Variants in RUNX1 observed in about 807,000 individuals in gnomAD.
The protein encoded by RUNX1 is runt-related transcription factor 1.
In RUNX1, 19 loss-of-function variants were observed where a neutral mutation model predicts 42.8. That is an observed-to-expected ratio of 0.44 (90% CI 0.31 to 0.65). The LOEUF (loss-of-function observed/expected upper bound fraction) is 0.65, where lower values mean the gene tolerates loss of function less well. RUNX1 is among the 30% of genes least tolerant of loss of function. RUNX1 has a pLI of 0.07. For synonymous variants in RUNX1, 271 were observed against 289.4 expected (o/e 0.94, Z 0.64); for missense variants, 528 against 672.0 (o/e 0.79, Z 2.37).
chr21:34,805,479 GA>G (rs2145930806), intron 7 of RUNX1, among the ~76,000 whole-genome samples: 1 of 152,198 alleles, frequency 6.6e-6, no homozygotes, highest in Non-Finnish European at 1.5e-5. Flanking sequence ...TAGAGAGGGG[GA>G]AAAGCCAACA....
At chr21:34,913,808 C>G (rs192388550) in intron 2 of RUNX1, among the ~76,000 whole-genome samples, 69 of 152,198 alleles carry the variant, frequency 4.5e-4, no homozygotes, top group African/African-American at 1.6e-3. Flanking sequence ...TTGATTGAAC[C>G]GAGGGCTGTA....
intron 2 of RUNX1, among the ~76,000 whole-genome samples, chr21:35,035,948 G>A (rs2059304404): frequency 6.6e-6 from 1 of 152,198 alleles, no homozygotes; most frequent in Non-Finnish European, 1.5e-5. Context: ...CCTAAACTGA[G>A]AGGGTTAAGG....
intron 2 of RUNX1, among the ~76,000 whole-genome samples, chr21:35,023,692 C>T (rs1002454784): frequency 6.6e-6 from 1 of 152,144 alleles, no homozygotes; most frequent in South Asian, 2.1e-4. Flanking sequence ...TGGATAAAGA[C>T]AGGACTGGAG....
At chr21:35,020,947 G>A (rs546871510) in intron 2 of RUNX1, among the ~76,000 whole-genome samples, 32 of 152,226 alleles carry the variant, frequency 2.1e-4, no homozygotes, top group African/African-American at 7.7e-4. Context: ...AAAGAATCTG[G>A]GGCTTCCCAT....
chr21:34,803,493 G>A (rs76772563), intron 7 of RUNX1, among the ~76,000 whole-genome samples: 1 of 151,922 alleles, frequency 6.6e-6, no homozygotes, highest in African/African-American at 2.4e-5. Context: ...CTTGCAGTGA[G>A]CCAAGATCGT....
At position 34,789,367 on chromosome 21, in the gene RUNX1, TAGTG is replaced by T. The variant is rs956679701; in HGVS notation, c.*2764_*2767del. On this transcript the variant is annotated 3_prime_UTR_variant, in exon 9 of 9. Coordinates refer to ENST00000675419, the MANE Select transcript of RUNX1 (RefSeq NM_001754.5). Reference sequence around the variant, plus strand: ...AGAGGGAGGGAAATGTATTTTCAGATAGTGAGAAAAAGAAAGAACTGAAATATGT... The same window carrying T: ...AGAGGGAGGGAAATGTATTTTCAGATAGAAAAAGAAAGAACTGAAATATGT... 2.6e-5 allele frequency: 6 copies of T among 233,454 alleles called. No homozygotes were observed. Among genetic ancestry groups the T allele is most frequent in the African/African-American group, 1.1e-4 (5 of 45,228 alleles). The allele number at this position is 233,454 out of a possible 1,614,324, so 14.5% of individuals were successfully genotyped here.
intron 3 of RUNX1, among the ~76,000 whole-genome samples, chr21:34,889,287 C>G (rs868444735): frequency 8.5e-5 from 13 of 152,148 alleles, no homozygotes; most frequent in Non-Finnish European, 2.9e-5. Context: ...CGGCTGGCAG[C>G]TGCGGCGAAG....
At chr21:34,801,522 T>C (rs1045069184) in intron 7 of RUNX1, among the ~76,000 whole-genome samples, 1 of 152,260 alleles carries the variant, frequency 6.6e-6, no homozygotes, top group Non-Finnish European at 1.5e-5. Flanking sequence ...TGAGTTTTTT[T>C]GTTTTTTAAA....
intron 2 of RUNX1, among the ~76,000 whole-genome samples, chr21:34,972,518 C>A (rs1390791286): frequency 6.6e-6 from 1 of 152,124 alleles, no homozygotes; most frequent in Admixed American, 6.5e-5. Context: ...TGGATAAATG[C>A]AATTTTTGCT....
intron 2 of RUNX1, among the ~76,000 whole-genome samples, chr21:35,030,159 C>T (rs555465634): frequency 5.3e-5 from 8 of 152,052 alleles, no homozygotes; most frequent in East Asian, 3.9e-4. Context: ...CTGGCTAACA[C>T]GGTGAAACCA....
At chr21:35,044,883 C>A (rs2059385263) in intron 2 of RUNX1, among the ~76,000 whole-genome samples, 1 of 152,200 alleles carries the variant, frequency 6.6e-6, no homozygotes. Flanking sequence ...AGGCTTCTTG[C>A]CATTCAGAAT....
chr21:35,004,299 T>G (rs531624815), intron 2 of RUNX1, among the ~76,000 whole-genome samples: 1 of 152,370 alleles, frequency 6.6e-6, no homozygotes, highest in East Asian at 1.9e-4. Context: ...CAGAACTTTC[T>G]TGTATCAAAT....
intron 2 of RUNX1, among the ~76,000 whole-genome samples, chr21:34,978,199 G>C (rs896565047): frequency 6.6e-6 from 1 of 152,100 alleles, no homozygotes; most frequent in Non-Finnish European, 1.5e-5. Context: ...CGGCCTCCCA[G>C]AGTGCTGGGA....
chr21:34,966,678 C>T (rs1292394611), intron 2 of RUNX1, among the ~76,000 whole-genome samples: 6 of 152,180 alleles, frequency 3.9e-5, no homozygotes, highest in East Asian at 1.9e-4. Context: ...TCTGATTATG[C>T]GTTTGCTGCA....
At chr21:34,993,280 G>A (rs190408024) in intron 2 of RUNX1, among the ~76,000 whole-genome samples, 123 of 152,276 alleles carry the variant, frequency 8.1e-4, no homozygotes, top group Non-Finnish European at 1.4e-3. Context: ...GCATACTGAT[G>A]TAGCTATAGG....
chr21:34,944,744 A>C (rs182853338), intron 2 of RUNX1, among the ~76,000 whole-genome samples: 140 of 152,314 alleles, frequency 9.2e-4, no homozygotes, highest in African/African-American at 3.2e-3. Context: ...CATCAGAATC[A>C]TGTTGTGGCC....
rs572944148 is a variant in RUNX1 at position 34,818,010 on chromosome 21, C to CTTG, written c.805+16399_805+16400insCAA. ...ACCAGGACAGAACAGTTTGCGGTTT[C>CTTG]ATCAATGAATAATATGGAGCTGGGG... On this transcript the variant is annotated intron_variant, in intron 7 of 8. Coordinates refer to ENST00000675419, the MANE Select transcript of RUNX1 (RefSeq NM_001754.5). 3.1e-3 allele frequency among the ~76,000 whole-genome samples: 476 copies of CTTG among 152,374 alleles called. 4 individuals carry two copies. Among genetic ancestry groups the CTTG allele is most frequent in the African/African-American group, 0.011 (463 of 41,596 alleles).
intron 7 of RUNX1, among the ~76,000 whole-genome samples, chr21:34,820,015 C>T (rs535544703): frequency 6.6e-6 from 1 of 152,394 alleles, no homozygotes; most frequent in East Asian, 1.9e-4. Context: ...TCATTAAAAA[C>T]ACCAAAGAGG....
chr21:34,919,861 C>T (rs2058340966), intron 2 of RUNX1, among the ~76,000 whole-genome samples: 1 of 152,176 alleles, frequency 6.6e-6, no homozygotes, highest in South Asian at 2.1e-4. Flanking sequence ...GGAACAAGCA[C>T]ATCCTGAATT....
Sources: gnomAD v4.1 joint callset for allele counts (sites outside exome capture counted in the v4.1 genomes callset) on GRCh38, gnomAD v4.1.1 for gene constraint, MANE v1.5 for transcripts, NCBI Gene and HGNC (gene_info 2026-07-23, HGNC 2026-07-21) for gene names.